The following MOXD1 variants were observed in gnomAD, a reference collection of about 807,000 sequenced individuals.
MOXD1 encodes the protein monooxygenase DBH like 1, also known as DBH-like monooxygenase protein 1.
A neutral mutation model predicts 66.6 loss-of-function variants in MOXD1; 62 were observed. The observed-to-expected ratio is 0.93, with a 90% CI of 0.76 to 1.15. MOXD1 has a LOEUF of 1.15. Among genes scored for constraint, MOXD1 ranks in the 50% most tolerant of loss-of-function variants. The probability of loss-of-function intolerance (pLI) is 0.00; values close to 1 mark genes in which losing one functional copy is unlikely to be tolerated. For missense variants in MOXD1, 847 were observed against 754.6 expected (o/e 1.12, Z -1.44); for synonymous variants, 303 against 281.9 (o/e 1.07, Z -0.75).
intron 4 of MOXD1, among the ~76,000 whole-genome samples, chr6:132,347,892 T>A (rs1001788046): frequency 1.3e-5 from 2 of 152,136 alleles, no homozygotes; most frequent in African/African-American, 4.8e-5. Context: ...TTCTCTCTTT[T>A]TTTTTTCTTA....
At chr6:132,384,865 G>T (rs1776593640) in intron 1 of MOXD1, among the ~76,000 whole-genome samples, 1 of 152,184 alleles carries the variant, frequency 6.6e-6, no homozygotes, top group Non-Finnish European at 1.5e-5. Flanking sequence ...GCAGCAAGTG[G>T]CATAATGTGT....
intron 4 of MOXD1, among the ~76,000 whole-genome samples, chr6:132,352,598 G>A (rs955110784): frequency 6.6e-6 from 1 of 152,204 alleles, no homozygotes; most frequent in Non-Finnish European, 1.5e-5. Flanking sequence ...TGAAAAGAAT[G>A]TGCATTCTGC....
chr6:132,384,383 T>C (rs940485352), intron 1 of MOXD1, among the ~76,000 whole-genome samples: 4 of 152,108 alleles, frequency 2.6e-5, no homozygotes, highest in East Asian at 3.8e-4. Flanking sequence ...ATTGAGTTAC[T>C]ATTCTTCAGA....
chr6:132,384,163 C>G (rs372440837), intron 1 of MOXD1, among the ~76,000 whole-genome samples: 2 of 152,116 alleles, frequency 1.3e-5, no homozygotes. Flanking sequence ...CCTTCCCTCC[C>G]TTTCTTCCTC....
intron 10 of MOXD1, among the ~76,000 whole-genome samples, chr6:132,303,465 C>A (rs979104363): frequency 3.9e-5 from 6 of 151,970 alleles, no homozygotes; most frequent in African/African-American, 1.5e-4. Flanking sequence ...TTACATATAA[C>A]TTATGCACAT....
chr6:132,389,692 T>C (rs4895936), intron 1 of MOXD1, among the ~76,000 whole-genome samples: 15,228 of 151,340 alleles, frequency 0.1, 1,452 homozygotes, highest in East Asian at 0.39. Flanking sequence ...CTCACTTCTC[T>C]ATTAACTTGG....
intron 10 of MOXD1, among the ~76,000 whole-genome samples, chr6:132,303,886 T>C (rs76809741): frequency 0.3 from 25,549 of 84,542 alleles, 3,423 homozygotes; most frequent in East Asian, 0.49. Flanking sequence ...TATACATATA[T>C]ACATAAAACC....
intron 1 of MOXD1, among the ~76,000 whole-genome samples, chr6:132,393,108 T>A (rs904253330): frequency 6.6e-6 from 1 of 151,958 alleles, no homozygotes; most frequent in African/African-American, 2.4e-5. Context: ...AGGAGGACAG[T>A]TGAAAAATTA....
At chr6:132,345,418 T>TC (rs1343378885) in intron 4 of MOXD1, among the ~76,000 whole-genome samples, 1 of 151,906 alleles carries the variant, frequency 6.6e-6, no homozygotes, top group Admixed American at 6.6e-5. Context: ...TTCTTCCTCT[T>TC]CTAAAAAAAA....
chr6:132,316,406 C>A (rs2114558838), intron 9 of MOXD1, among the ~76,000 whole-genome samples: 1 of 152,112 alleles, frequency 6.6e-6, no homozygotes, highest in African/African-American at 2.4e-5. Flanking sequence ...CTGGATTTAT[C>A]AGACAATGAC....
chr6:132,388,552 G>A (rs750306478), intron 1 of MOXD1, among the ~76,000 whole-genome samples: 1 of 151,332 alleles, frequency 6.6e-6, no homozygotes, highest in Non-Finnish European at 1.5e-5. Flanking sequence ...CACCACTGCT[G>A]TTACTCTTCC....
intron 1 of MOXD1, among the ~76,000 whole-genome samples, chr6:132,378,965 T>C (rs1325891813): frequency 1.4e-4 from 20 of 139,422 alleles, no homozygotes; most frequent in Admixed American, 1.3e-3. Flanking sequence ...TGGCATGATG[T>C]CAGCTTGGTG....
rs752422499 is a variant in MOXD1, at chr6:132,322,813, G to A, written c.1171C>T (p.His391Tyr). 2 of 1,614,110 alleles carry A rather than the reference G, an allele frequency of 1.2e-6. No individual in the cohort carries two copies. The highest frequency in any genetic ancestry group is 1.7e-5 in the Admixed American group (1 of 60,014). ...AGCCTGATGCCTCTGCCAGCCAGGT[G>A]AGCATGGAGAAGAACAGCAAACACA... ...IHVFAVLLHA[H>Y]LAGRGIRLRH... The change falls in exon 8 of 12, where the codon CAC (histidine) becomes TAC (tyrosine). Residue 391 changes from histidine to tyrosine, a missense_variant. Physicochemically the swap from His to Tyr is moderately conservative, Grantham distance 83 (BLOSUM62 2). Coordinates refer to ENST00000367963, the MANE Select transcript of MOXD1 (RefSeq NM_015529.4).
chr6:132,374,823 G>T, intron 1 of MOXD1, 46 bp from the exon 2 acceptor site: 1 of 1,545,978 alleles, frequency 6.5e-7, no homozygotes, highest in East Asian at 2.3e-5. Context: ...TAAATACAGA[G>T]AGAAAAGAAT....
intron 4 of MOXD1, among the ~76,000 whole-genome samples, chr6:132,351,301 T>G (rs1775797923): frequency 6.6e-6 from 1 of 152,178 alleles, no homozygotes; most frequent in South Asian, 2.1e-4. Flanking sequence ...TTTTATTATA[T>G]TGAGGTATGT....
chr6:132,326,205 C>T (rs1185043110), intron 6 of MOXD1, among the ~76,000 whole-genome samples: 2 of 151,838 alleles, frequency 1.3e-5, no homozygotes, highest in Admixed American at 6.6e-5. Flanking sequence ...TTTCTGGAAA[C>T]AAATTCGTAT....
intron 1 of MOXD1, among the ~76,000 whole-genome samples, chr6:132,385,105 A>G (rs979846739): frequency 6.6e-6 from 1 of 152,224 alleles, no homozygotes; most frequent in Non-Finnish European, 1.5e-5. Context: ...AAGGAGCAGA[A>G]AGAAGGATGG....
chr6:132,315,307 C>T (rs188570064), intron 10 of MOXD1, among the ~76,000 whole-genome samples: 6 of 152,272 alleles, frequency 3.9e-5, no homozygotes, highest in Admixed American at 1.3e-4. Flanking sequence ...TGGAAGCTTG[C>T]GCCTGGTTTC....
intron 10 of MOXD1, among the ~76,000 whole-genome samples, chr6:132,300,322 A>C (rs1477736746): frequency 6.6e-6 from 1 of 152,230 alleles, no homozygotes; most frequent in African/African-American, 2.4e-5. Context: ...ACTTGACTTG[A>C]AAGAAGTTAT....
Sources: gnomAD v4.1 joint callset for allele counts (sites outside exome capture counted in the v4.1 genomes callset) on GRCh38, gnomAD v4.1.1 for gene constraint, MANE v1.5 for transcripts, NCBI Gene and HGNC (gene_info 2026-07-23, HGNC 2026-07-21) for gene names.